TPD52: variants seen among roughly 807,000 people sequenced by gnomAD.
TPD52 encodes tumor protein D52, also known as prostate and colon associated protein.
A neutral mutation model predicts 31.3 loss-of-function variants in TPD52; 17 were observed. The observed-to-expected ratio is 0.54, with a 90% confidence interval of 0.37 to 0.82. The LOEUF (loss-of-function observed/expected upper bound fraction) is 0.82, where lower values mean the gene tolerates loss of function less well. TPD52 is among the 40% of genes least tolerant of loss of function. The pLI is 0.00. For synonymous variants in TPD52, 83 were observed against 89.6 expected, an observed-to-expected ratio of 0.93 and a Z score of 0.42; for missense variants, 212 against 240.1, an observed-to-expected ratio of 0.88 and a Z score of 0.77.
In TPD52 at chr8:80,149,547, G is replaced by T. The variant is rs187805818; in HGVS notation, c.19+21878C>A. Among the ~76,000 whole-genome samples, 4 of 152,346 alleles carry T rather than the reference G, an allele frequency of 2.6e-5. No homozygotes were observed. The East Asian group carries it at 7.7e-4, about 29-fold the overall frequency. On this transcript the variant is annotated intron_variant, in intron 1 of 7. Coordinates refer to ENST00000518937, the MANE Select transcript of TPD52 (RefSeq NM_001025253.3). ...AATGTGGAAGTAACTTTGGAATTGGGTAACAGGCAGAGGTTGGAAGAGTTT... is the reference window on the plus strand; with the variant it reads ...AATGTGGAAGTAACTTTGGAATTGGTTAACAGGCAGAGGTTGGAAGAGTTT...
At position 80,164,024 on chromosome 8, in the gene TPD52, CAGAGAG is replaced by C. The variant is rs58566558; in HGVS notation, c.19+7395_19+7400del. Among the ~76,000 whole-genome samples, 12 of 110,306 alleles carry C rather than the reference CAGAGAG, an allele frequency of 1.1e-4. No individual in the cohort carries two copies. The East Asian group carries it at 2.1e-3, about 19-fold the overall frequency. The allele number at this position is 110,306 out of a possible 152,430, so 72.4% of individuals were successfully genotyped here. A position where few individuals can be genotyped will look rare whatever the true frequency, so the allele number is the denominator to read the frequency against. On this transcript the variant is annotated intron_variant, in intron 1 of 7. Transcript: ENST00000518937. The stretch of plus-strand genomic sequence containing the variant: ...CCAAATTCTAACTGTGAGAGAGAGA[CAGAGAG>C]AGAGAGAGAGAGAGAGAGAGAGAGA...
chr8:80,045,540 T>TG (rs1810760499), intron 5 of TPD52, among the ~76,000 whole-genome samples: 1 of 152,212 alleles, frequency 6.6e-6, no homozygotes, highest in African/African-American at 2.4e-5. Context: ...GAAGAGGATC[T>TG]GGTGGGACCA....
intron 5 of TPD52, among the ~76,000 whole-genome samples, chr8:80,046,909 G>T (rs1810916584): frequency 6.6e-6 from 1 of 152,298 alleles, no homozygotes; most frequent in South Asian, 2.1e-4. Context: ...AATAATAAGA[G>T]AGGAGGGGGT....
At chr8:80,165,467 T>G (rs762336502) in intron 1 of TPD52, among the ~76,000 whole-genome samples, 75 of 152,192 alleles carry the variant, frequency 4.9e-4, no homozygotes, top group Non-Finnish European at 9.6e-4. Flanking sequence ...ACATTCCACT[T>G]TAGCATGCTG....
chr8:80,047,589 AGAAT>A (rs1325212866), intron 5 of TPD52, among the ~76,000 whole-genome samples: 1 of 152,244 alleles, frequency 6.6e-6, no homozygotes, highest in Non-Finnish European at 1.5e-5. Flanking sequence ...TTTGAGTGAA[AGAAT>A]GAATGAATAA....
At chr8:80,094,443 T>C (rs1438815026) in intron 1 of TPD52, among the ~76,000 whole-genome samples, 14 of 40,344 alleles carry the variant, frequency 3.5e-4, no homozygotes, top group African/African-American at 2.5e-3. Flanking sequence ...TATATATATA[T>C]ATATATATAT....
At chr8:80,039,677 A>G (rs1810192658) in intron 7 of TPD52, among the ~76,000 whole-genome samples, 1 of 151,952 alleles carries the variant, frequency 6.6e-6, no homozygotes, top group Admixed American at 6.6e-5. Flanking sequence ...AAACTCTGCA[A>G]TGTGGCCTAC....
chr8:80,097,459 T>C (rs1280807859), intron 1 of TPD52, among the ~76,000 whole-genome samples: 1 of 152,214 alleles, frequency 6.6e-6, no homozygotes, highest in African/African-American at 2.4e-5. Context: ...AGGGGCCTGC[T>C]GGGAGGTGAT....
intron 1 of TPD52, among the ~76,000 whole-genome samples, chr8:80,096,275 C>G (rs1234635791): frequency 7.8e-6 from 1 of 128,844 alleles, no homozygotes; most frequent in Non-Finnish European, 1.6e-5. Flanking sequence ...TAAAGACTAT[C>G]AAACACACAC....
intron 1 of TPD52, among the ~76,000 whole-genome samples, chr8:80,097,651 C>T (rs530061709): frequency 6.6e-6 from 1 of 152,212 alleles, no homozygotes; most frequent in Non-Finnish European, 1.5e-5. Flanking sequence ...GAGGCCTCCC[C>T]AGCCATACTT....
At chr8:80,144,192 CATA>C (rs1810036280) in intron 1 of TPD52, among the ~76,000 whole-genome samples, 1 of 152,078 alleles carries the variant, frequency 6.6e-6, no homozygotes, top group Non-Finnish European at 1.5e-5. Flanking sequence ...TTACATATAT[CATA>C]ATATTTTGTT....
intron 1 of TPD52, among the ~76,000 whole-genome samples, chr8:80,151,639 T>C (rs530230114): frequency 2.0e-5 from 3 of 152,332 alleles, no homozygotes; most frequent in East Asian, 3.9e-4. Context: ...AGAAAGTCTC[T>C]TCTGCTTTAA....
intron 1 of TPD52, among the ~76,000 whole-genome samples, chr8:80,088,916 C>T (rs894404245): frequency 2.6e-5 from 4 of 152,216 alleles, no homozygotes; most frequent in South Asian, 2.1e-4. Context: ...AGGATGGTCT[C>T]GATCTCCTGA....
At chr8:80,057,597 T>G (rs1266670326) in intron 2 of TPD52, among the ~76,000 whole-genome samples, 1 of 152,120 alleles carries the variant, frequency 6.6e-6, no homozygotes. Context: ...TGTTCTGACT[T>G]ATAAGTGGGA....
intron 1 of TPD52, among the ~76,000 whole-genome samples, chr8:80,141,931 A>AT (rs1169353034): frequency 3.2e-5 from 4 of 124,390 alleles, no homozygotes; most frequent in African/African-American, 5.5e-5. Flanking sequence ...AAAAATAAAA[A>AT]TAAAAAAATA....
At position 80,110,541 on chromosome 8, in the gene TPD52, C is replaced by G. The variant is rs567482480; in HGVS notation, c.20-45948G>C. 2.0e-5 allele frequency among the ~76,000 whole-genome samples: 3 copies of G among 148,672 alleles called. No homozygotes were observed. The Admixed American group carries it at 2.0e-4, about 10-fold the overall frequency. On this transcript the variant is annotated intron_variant, in intron 1 of 7. Coordinates refer to ENST00000518937, the MANE Select transcript of TPD52 (RefSeq NM_001025253.3). Reference sequence around the variant, plus strand: ...ATATGTAACTAACCTGCACATTGTGCACATGTACCCTAAAACTTAAAGTAT... The same window carrying G: ...ATATGTAACTAACCTGCACATTGTGGACATGTACCCTAAAACTTAAAGTAT...
At chr8:80,147,641 C>T (rs1810288131) in intron 1 of TPD52, among the ~76,000 whole-genome samples, 1 of 152,156 alleles carries the variant, frequency 6.6e-6, no homozygotes, top group Non-Finnish European at 1.5e-5. Flanking sequence ...AGCTCCCAGC[C>T]CCCACCATCA....
intron 1 of TPD52, among the ~76,000 whole-genome samples, chr8:80,137,317 A>G (rs1809504660): frequency 6.6e-6 from 1 of 152,234 alleles, no homozygotes; most frequent in Non-Finnish European, 1.5e-5. Context: ...TGAATTGTAC[A>G]TTTAAAACAA....
intron 1 of TPD52, among the ~76,000 whole-genome samples, chr8:80,139,163 T>C (rs184555923): frequency 4.1e-4 from 62 of 152,332 alleles, no homozygotes; most frequent in African/African-American, 1.4e-3. Context: ...GAATGGCTGC[T>C]CTGCCTAAGA....
Sources: gnomAD v4.1 joint callset for allele counts (sites outside exome capture counted in the v4.1 genomes callset) on GRCh38, gnomAD v4.1.1 for gene constraint, MANE v1.5 for transcripts, NCBI Gene and HGNC (gene_info 2026-07-23, HGNC 2026-07-21) for gene names.